The following SCRN1 variants were observed in gnomAD, a reference collection of about 807,000 sequenced individuals.
SCRN1 encodes secernin-1.
SCRN1 carries 19 observed loss-of-function variants against 43.3 expected under a neutral mutation model. The observed-to-expected ratio is 0.44, with a 90% confidence interval of 0.31 to 0.64. The LOEUF is 0.64. SCRN1 is among the 30% of genes least tolerant of loss of function. The pLI is 0.09. For synonymous variants in SCRN1, 183 were observed against 188.9 expected, an observed-to-expected ratio of 0.97 and a Z score of 0.26; for missense variants, 447 against 524.1, an observed-to-expected ratio of 0.85 and a Z score of 1.44.
At chr7:29,949,099 A>G (rs536634409) in intron 3 of SCRN1, among the ~76,000 whole-genome samples, 9 of 152,026 alleles carry the variant, frequency 5.9e-5, no homozygotes, top group South Asian at 2.1e-4. Flanking sequence ...GCGGATCACG[A>G]GGTCAGGAGA....
intron 3 of SCRN1, among the ~76,000 whole-genome samples, chr7:29,952,880 C>G (rs896376310): frequency 1.3e-5 from 2 of 152,198 alleles, no homozygotes; most frequent in African/African-American, 2.4e-5. Flanking sequence ...GAAGAACCTA[C>G]CAGTGCTCTT....
At position 29,944,082 on chromosome 7, in the gene SCRN1, C is replaced by T. The variant is rs374188326; in HGVS notation, c.439G>A (p.Ala147Thr). The change falls in exon 4 of 8, where the codon GCA becomes ACA. Residue 147 changes from alanine to threonine, a missense_variant. Transcript: ENST00000242059. ...CTTTGGAAGCTGTGGCAGGAGTTTG[C>T]ATCTTCAAAGTAATTCCCACCTTGT... ...HGQGGNYFED[A>T]NSCHSFQSAY... 6.2e-7 allele frequency: 1 copy of T among 1,614,212 alleles called. No homozygotes were observed. Among genetic ancestry groups the T allele is most frequent in the African/African-American group, 1.3e-5 (1 of 75,052 alleles).
chr7:29,972,230 G>C (rs1385337868), intron 1 of SCRN1, among the ~76,000 whole-genome samples: 1 of 152,154 alleles, frequency 6.6e-6, no homozygotes, highest in Non-Finnish European at 1.5e-5. Context: ...ATAAGATGGG[G>C]AAAGGATGCA....
intron 1 of SCRN1, among the ~76,000 whole-genome samples, chr7:29,978,578 C>T (rs1788901481): frequency 6.6e-6 from 1 of 152,188 alleles, no homozygotes; most frequent in Non-Finnish European, 1.5e-5. Context: ...CCTGACTTCT[C>T]TAACTCTGAG....
rs763674250 is a variant in SCRN1 at position 29,955,272 on chromosome 7, G to T, written c.248C>A (p.Ala83Asp). The change falls in exon 3 of 8, where the codon GCC (alanine) becomes GAC (aspartate). Residue 83 changes from alanine to aspartate, a missense_variant. Transcript: ENST00000242059. The part of the protein sequence containing the change: ...PAWLWGAEMG[A>D]NEHGVCIANE... ...GGCTATGCACACTCCATGTTCATTG[G>T]CTCCCATTTCTGCTCCCCAGAGCCA... 2.5e-6 allele frequency: 4 copies of T among 1,614,102 alleles called. No homozygotes were observed. Among genetic ancestry groups the T allele is most frequent in the Non-Finnish European group, 3.4e-6 (4 of 1,179,988 alleles).
chr7:29,971,011 G>A (rs541908938), intron 1 of SCRN1, among the ~76,000 whole-genome samples: 5 of 152,020 alleles, frequency 3.3e-5, no homozygotes, highest in Non-Finnish European at 5.9e-5. Flanking sequence ...CCCAACCCCT[G>A]GCATTACAGG....
At position 29,944,018 on chromosome 7, in the gene SCRN1, A is replaced by G; in HGVS notation, c.503T>C (p.Leu168Pro). Reference sequence around the variant, plus strand: ...AGCCCAGTACTTCCCTATGGTCTCGAGCACCCAGGCTTCATCACGATCCAC... The same window carrying G: ...AGCCCAGTACTTCCCTATGGTCTCGGGCACCCAGGCTTCATCACGATCCAC... ...LIVDRDEAWV[L>P]ETIGKYWAAE... Residue 168 changes from leucine to proline, a missense_variant, in exon 4 of 8, where the codon CTC becomes CCC. By Grantham distance (98) the Leu-to-Pro change is moderately conservative. Coordinates refer to ENST00000242059, the MANE Select transcript of SCRN1 (RefSeq NM_014766.5). The G allele has an allele frequency of 6.2e-7, 1 of 1,614,152 alleles. No homozygotes were observed. Among genetic ancestry groups the G allele is most frequent in the Non-Finnish European group, 8.5e-7 (1 of 1,180,030 alleles).
In SCRN1 at chr7:29,923,084, T is replaced by G. The variant is rs1012987805; in HGVS notation, c.*873A>C. The G allele has an allele frequency of 6.6e-6, 1 of 152,226 alleles. No individual in the cohort carries two copies. Among genetic ancestry groups the G allele is most frequent in the Non-Finnish European group, 1.5e-5 (1 of 68,052 alleles). The allele number at this position is 152,226 out of a possible 1,614,324, so 9.4% of individuals were successfully genotyped here. ...GGAACTGTGCCATAGGGCCATTCAA[T>G]TACTCCTAGACTAGCTGTTGGTAAC... On this transcript the variant is annotated 3_prime_UTR_variant, in exon 8 of 8. Transcript: ENST00000242059.
At chr7:29,951,147 G>C (rs1055936827) in intron 3 of SCRN1, among the ~76,000 whole-genome samples, 1 of 152,234 alleles carries the variant, frequency 6.6e-6, no homozygotes, top group Admixed American at 6.5e-5. Flanking sequence ...GCATTTCCAA[G>C]CTTCCAGGCA....
At chr7:29,940,525 C>T (rs1787501943) in intron 5 of SCRN1, among the ~76,000 whole-genome samples, 157 bp downstream of exon 5, 1 of 152,188 alleles carries the variant, frequency 6.6e-6, no homozygotes. Context: ...TGTTTTCTTG[C>T]CTGCACATCA....
rs575403650 is a variant in SCRN1 at position 29,965,718 on chromosome 7, T to C, written c.159+3191A>G. Among the ~76,000 whole-genome samples, 2 of 152,174 alleles carry C rather than the reference T, an allele frequency of 1.3e-5. No homozygotes were observed. Among genetic ancestry groups the C allele is most frequent in the Admixed American group, 6.5e-5 (1 of 15,292 alleles). On this transcript the variant is annotated intron_variant, in intron 2 of 7. Transcript: ENST00000242059. The surrounding 1 kb of genome is among the most constrained non-coding windows in gnomAD (Gnocchi z 4.2). ...CCTTAGAGGCTAATTATGGTATATA[T>C]CACACTATACTTATGTATGGAAGGG...
intron 2 of SCRN1, among the ~76,000 whole-genome samples, chr7:29,964,982 T>C (rs777681541): frequency 1.8e-4 from 28 of 151,946 alleles, no homozygotes; most frequent in Non-Finnish European, 3.2e-4. Context: ...TGTGTCAATA[T>C]TGGCTCATCA....
rs147585342 is a variant in SCRN1, at chr7:29,981,532, A to C, written c.-2+8110T>G. 4.6e-5 allele frequency among the ~76,000 whole-genome samples: 7 copies of C among 152,330 alleles called. No homozygotes were observed. The East Asian group carries it at 9.6e-4, about 21-fold the overall frequency. ...ACTTGGAGATTTAGGTTAAATACAT[A>C]ATCATTAAGAACAGAAGAAGAGATC... On this transcript the variant is annotated intron_variant, in intron 1 of 7. Transcript: ENST00000242059.
rs1217425315 is a variant in SCRN1 at position 29,950,841 on chromosome 7, TG to T, written c.341+4337del. Among the ~76,000 whole-genome samples the T allele has an allele frequency of 6.6e-6, 1 of 152,244 alleles. No individual in the cohort carries two copies. Among genetic ancestry groups the T allele is most frequent in the Non-Finnish European group, 1.5e-5 (1 of 68,036 alleles). On this transcript the variant is annotated intron_variant, in intron 3 of 7. Transcript: ENST00000242059. The surrounding 1 kb of genome is among the most constrained non-coding windows in gnomAD (Gnocchi z 4.5). ...GCCTGCAGAATGGAGCTACCCACTT[TG>T]GGTCCCCTGAGAGCTGTTCTGTCAC...
intron 1 of SCRN1, among the ~76,000 whole-genome samples, chr7:29,970,321 T>A (rs907316625): frequency 4.6e-5 from 7 of 152,154 alleles, no homozygotes; most frequent in African/African-American, 1.7e-4. Flanking sequence ...CTCCAGTGCC[T>A]GCCAGACCTC....
rs1335539481 is a variant in SCRN1 at position 29,950,072 on chromosome 7, G to A, written c.341+5107C>T. 1.3e-5 allele frequency among the ~76,000 whole-genome samples: 2 copies of A among 152,186 alleles called. No individual in the cohort carries two copies. The highest frequency in any genetic ancestry group is 3.9e-4 in the East Asian group (2 of 5,192). The stretch of plus-strand genomic sequence containing the variant: ...CCCCTACCAAGTTGGCAGGGTGGGA[G>A]CCCCATGCTCCCAGGCACAGCTGCA... On this transcript the variant is annotated intron_variant, in intron 3 of 7. Transcript: ENST00000242059. This position sits in a 1 kb window ranked among gnomAD's most constrained non-coding sequence, Gnocchi z 4.5.
chr7:29,939,203 T>C (rs1296010380), intron 5 of SCRN1, among the ~76,000 whole-genome samples: 1 of 152,038 alleles, frequency 6.6e-6, no homozygotes, highest in African/African-American at 2.4e-5. Context: ...TCAGGAAGCA[T>C]TTTCCTTCTT....
At chr7:29,941,080 C>A (rs768380218) in intron 4 of SCRN1, among the ~76,000 whole-genome samples, 1 of 152,184 alleles carries the variant, frequency 6.6e-6, no homozygotes, top group Non-Finnish European at 1.5e-5. Flanking sequence ...CTTGACTGGG[C>A]ATTATCACAT....
chr7:29,926,635 G>C lies in SCRN1; in HGVS notation c.906-3C>G. 1 of 1,610,642 alleles carries C rather than the reference G, an allele frequency of 6.2e-7. No homozygotes were observed. Among genetic ancestry groups the C allele is most frequent in the Non-Finnish European group, 8.5e-7 (1 of 1,177,420 alleles). On this transcript the variant is annotated splice_polypyrimidine_tract_variant and splice_region_variant and intron_variant, in intron 6 of 7. Coordinates refer to ENST00000242059, the MANE Select transcript of SCRN1 (RefSeq NM_014766.5). The stretch of plus-strand genomic sequence containing the variant: ...AGATGAAAGGCTTGAATATGGACCT[G>C]GAGAGGAAGGAGAGGCACTTCAGCC...
Sources: gnomAD v4.1 joint callset for allele counts (sites outside exome capture counted in the v4.1 genomes callset) on GRCh38, gnomAD v4.1.1 for gene constraint, Gnocchi (gnomAD v3.1) non-coding constraint, MANE v1.5 for transcripts, NCBI Gene and HGNC (gene_info 2026-07-23, HGNC 2026-07-21) for gene names.